MAPRE2: variants seen among roughly 807,000 people sequenced by gnomAD.
MAPRE2 encodes the protein microtubule associated protein RP/EB family member 2.
MAPRE2 carries 13 observed loss-of-function variants against 43.2 expected under a neutral mutation model. The ratio of observed to expected loss-of-function variants is 0.30; its 90% CI spans 0.20 to 0.48. The LOEUF is 0.48. MAPRE2 is among the 20% of genes least tolerant of loss of function. The pLI is 0.99. For missense variants in MAPRE2, 161 were observed against 400.2 expected (o/e 0.40, Z 5.10); for synonymous variants, 135 against 148.8 (o/e 0.91, Z 0.68).
chr18:35,004,161 C>T lies in MAPRE2; in HGVS notation c.-69-1331C>T, dbSNP rs112783646. Among the ~76,000 whole-genome samples the T allele has an allele frequency of 3.3e-3, 506 of 151,968 alleles. 2 individuals carry two copies. Among genetic ancestry groups the T allele is most frequent in the African/African-American group, 0.012 (484 of 41,434 alleles). On this transcript the variant is annotated intron_variant, in intron 1 of 7. Transcript: ENST00000413393. ...TTTTTTAACTAAACATCTCCTTTTT[C>T]CCTTAGAGAAAAACTATAAAATGCC...
intron 1 of MAPRE2, among the ~76,000 whole-genome samples, chr18:35,042,427 A>G (rs1905415745): frequency 6.6e-6 from 1 of 152,122 alleles, no homozygotes; most frequent in South Asian, 2.1e-4. Context: ...GATCTTGGTC[A>G]TTGTATTGTG....
intron 2 of MAPRE2, among the ~76,000 whole-genome samples, chr18:35,084,502 G>C (rs1253173034): frequency 1.3e-5 from 2 of 152,164 alleles, no homozygotes; most frequent in Non-Finnish European, 2.9e-5. Flanking sequence ...TTAATCTGCT[G>C]ATGCTCTTAA....
At chr18:35,032,737 A>G (rs1382773689) in intron 2 of MAPRE2, among the ~76,000 whole-genome samples, 1 of 151,818 alleles carries the variant, frequency 6.6e-6, no homozygotes, top group East Asian at 1.9e-4. Flanking sequence ...CCAGCTCTGT[A>G]TCCTCTGGGT....
intron 2 of MAPRE2, among the ~76,000 whole-genome samples, chr18:35,006,362 C>T (rs1006290568): frequency 1.3e-5 from 2 of 151,994 alleles, no homozygotes; most frequent in Non-Finnish European, 2.9e-5. Flanking sequence ...TGTGTGGGGA[C>T]GTATGTGTTT....
chr18:35,045,704 G>T (rs1399633072), intron 1 of MAPRE2, among the ~76,000 whole-genome samples: 3 of 152,090 alleles, frequency 2.0e-5, no homozygotes, highest in Non-Finnish European at 4.4e-5. Context: ...CAGAACATAG[G>T]CTTCACATCA....
intron 1 of MAPRE2, chr18:34,978,366 A>G (rs2097014316): frequency 1.3e-6 from 1 of 749,224 alleles, no homozygotes; most frequent in Non-Finnish European, 2.3e-6. Flanking sequence ...CTTGATTAGC[A>G]TAGTATCGAC....
At chr18:34,991,271 C>A (rs182792134) in intron 1 of MAPRE2, among the ~76,000 whole-genome samples, 3 of 152,092 alleles carry the variant, frequency 2.0e-5, no homozygotes, top group African/African-American at 7.2e-5. Context: ...CTATGTGTAC[C>A]CACTGTTTAG....
intron 1 of MAPRE2, among the ~76,000 whole-genome samples, chr18:35,061,178 A>G (rs952409327): frequency 5.9e-5 from 9 of 152,248 alleles, no homozygotes; most frequent in Non-Finnish European, 1.0e-4. Context: ...GAGCACATTC[A>G]TATTGGAATG....
At chr18:35,108,363 G>A (rs538975535) in intron 4 of MAPRE2, among the ~76,000 whole-genome samples, 157 of 152,250 alleles carry the variant, frequency 1.0e-3, no homozygotes, top group African/African-American at 3.7e-3. Context: ...TCTTTATCCA[G>A]TCTGTCATTG....
chr18:35,107,569 A>G (rs148961860), intron 4 of MAPRE2, among the ~76,000 whole-genome samples: 1 of 152,176 alleles, frequency 6.6e-6, no homozygotes, highest in Non-Finnish European at 1.5e-5. Flanking sequence ...GCAGTAAAAA[A>G]TAGCAGTAAG....
At chr18:35,069,762 A>C (rs558304502) in intron 1 of MAPRE2, among the ~76,000 whole-genome samples, 10 of 152,326 alleles carry the variant, frequency 6.6e-5, no homozygotes, top group African/African-American at 2.2e-4. Context: ...ATCCTTTATC[A>C]CTGCACACCT....
chr18:35,039,116 C>T (rs2097052236), upstream of MAPRE2, among the ~76,000 whole-genome samples: 1 of 152,210 alleles, frequency 6.6e-6, no homozygotes, highest in Non-Finnish European at 1.5e-5. Context: ...GTTTTACATA[C>T]TACTTAAATA....
chr18:34,981,888 T>TTTA lies in MAPRE2; in HGVS notation c.-70+4811_-70+4812insATT, dbSNP rs1555909262. Among the ~76,000 whole-genome samples the TTTA allele has an allele frequency of 7.5e-4, 20 of 26,596 alleles. 1 individual carries two copies. Among genetic ancestry groups the TTTA allele is most frequent in the African/African-American group, 1.6e-3 (18 of 11,378 alleles). 17.4% of individuals were successfully genotyped at this position (26,596 alleles called of 152,430 possible). A position where few individuals can be genotyped will look rare whatever the true frequency, so the allele number is the denominator to read the frequency against. ...TATTTTTTTTTTTTATTTTTATTTA[T>TTTA]TTTTTTTTTTTTTTGAGACGGAGTC... is the stretch of plus-strand genomic sequence containing the variant. On this transcript the variant is annotated intron_variant, in intron 1 of 7. Transcript: ENST00000413393.
intron 1 of MAPRE2, among the ~76,000 whole-genome samples, chr18:34,994,399 G>C (rs116431210): frequency 7.6e-6 from 1 of 131,026 alleles, no homozygotes. Flanking sequence ...TCTGTTTTTT[G>C]CTTTTTTTTT....
At position 35,102,057 on chromosome 18, in the gene MAPRE2, G is replaced by A; in HGVS notation, c.508G>A (p.Val170Ile). The A allele has an allele frequency of 6.2e-7, 1 of 1,613,018 alleles. No homozygotes were observed. The highest frequency in any genetic ancestry group is 8.5e-7 in the Non-Finnish European group (1 of 1,179,506). ...ANYDGKEYDP[V>I]EARQGQDAIP... Reference sequence around the variant, plus strand: ...CTACGATGGGAAGGAGTATGATCCTGTAGAGGCACGACAAGGGCAAGATGC... The same window carrying A: ...CTACGATGGGAAGGAGTATGATCCTATAGAGGCACGACAAGGGCAAGATGC... The change falls in exon 4 of 7, where the codon GTA becomes ATA. Residue 170 changes from valine (V) to isoleucine (I), a missense_variant. Val to Ile is a conservative substitution (Grantham distance 29). Coordinates refer to ENST00000300249, the MANE Select transcript of MAPRE2 (RefSeq NM_014268.4).
At chr18:35,057,745 G>A (rs970559648) in intron 1 of MAPRE2, among the ~76,000 whole-genome samples, 3 of 152,136 alleles carry the variant, frequency 2.0e-5, no homozygotes, top group Admixed American at 2.0e-4. Flanking sequence ...ATCCTGGGAT[G>A]GAATTTTAAG....
chr18:35,065,839 C>T (rs1160677259), intron 1 of MAPRE2, among the ~76,000 whole-genome samples: 1 of 152,198 alleles, frequency 6.6e-6, no homozygotes, highest in Admixed American at 6.5e-5. Context: ...CAGGCATGAG[C>T]CACCGCGCCT....
At chr18:35,081,200 GCTT>G (rs1354213697) in intron 2 of MAPRE2, among the ~76,000 whole-genome samples, 1 of 152,042 alleles carries the variant, frequency 6.6e-6, no homozygotes, top group Non-Finnish European at 1.5e-5. Context: ...ATCTTTTCCT[GCTT>G]CTTTTTTTTT....
chr18:35,046,997 C>T (rs2150602144), intron 1 of MAPRE2, among the ~76,000 whole-genome samples: 1 of 152,254 alleles, frequency 6.6e-6, no homozygotes, highest in African/African-American at 2.4e-5. Context: ...AAGCATCTTC[C>T]CTTGGCATTT....
Sources: allele counts gnomAD v4.1 joint callset (sites outside exome capture counted in the v4.1 genomes callset), GRCh38; gene constraint gnomAD v4.1.1; transcripts MANE v1.5; gene names NCBI Gene and HGNC (gene_info 2026-07-23, HGNC 2026-07-21).